ANO6: variants seen among roughly 807,000 people sequenced by gnomAD.
ANO6 encodes anoctamin 6.
A neutral mutation model predicts 117.5 loss-of-function variants in ANO6; 106 were observed. That is an observed-to-expected ratio of 0.90 (90% CI 0.77 to 1.06). The LOEUF (loss-of-function observed/expected upper bound fraction) is 1.06. Ranked by LOEUF, ANO6 falls within the 50% of genes least tolerant of loss-of-function variation. The probability of loss-of-function intolerance (pLI) is 0.00; values close to 1 mark genes in which losing one functional copy is unlikely to be tolerated. For missense variants in ANO6, 955 were observed against 1,121.1 expected, an observed-to-expected ratio of 0.85 and a Z score of 2.12; for synonymous variants, 367 against 385.1, an observed-to-expected ratio of 0.95 and a Z score of 0.55.
chr12:45,242,049 C>G (rs1336687024), intron 1 of ANO6, among the ~76,000 whole-genome samples: 3 of 152,232 alleles, frequency 2.0e-5, no homozygotes, highest in Non-Finnish European at 4.4e-5. Flanking sequence ...TGGAGGCGGT[C>G]TGTCCATTCT....
chr12:45,416,734 T>C lies in ANO6; in HGVS notation c.2047T>C (p.Ser683Pro), dbSNP rs1943222905. Reference sequence around the variant, plus strand: ...TGGGTTCGTCACCTTATTTGTGGCCTCTTTTCCACTGGCCCCTCTGTTGGC... The same window carrying C: ...TGGGTTCGTCACCTTATTTGTGGCCCCTTTTCCACTGGCCCCTCTGTTGGC... ...QFGFVTLFVA[S>P]FPLAPLLALV... The change falls in exon 17 of 20, where the codon TCT becomes CCT. Residue 683 changes from serine (S) to proline (P), a missense_variant. Transcript: ENST00000320560. 1 of 1,614,172 alleles carries C rather than the reference T, an allele frequency of 6.2e-7. No individual in the cohort carries two copies.
At chr12:45,243,830 A>G (rs1947782559) in intron 1 of ANO6, among the ~76,000 whole-genome samples, 2 of 152,230 alleles carry the variant, frequency 1.3e-5, no homozygotes, top group African/African-American at 4.8e-5. Flanking sequence ...GATTACAGGC[A>G]TGAGCCACTG....
intron 12 of ANO6, among the ~76,000 whole-genome samples, chr12:45,397,930 T>G (rs542220640): frequency 6.6e-6 from 1 of 152,110 alleles, no homozygotes; most frequent in African/African-American, 2.4e-5. Flanking sequence ...CGTGTATACC[T>G]ATGTGTCAAA....
intron 1 of ANO6, among the ~76,000 whole-genome samples, chr12:45,300,428 C>G (rs887869260): frequency 1.3e-5 from 2 of 152,224 alleles, no homozygotes; most frequent in Admixed American, 1.3e-4. Flanking sequence ...CTCCTCCCAC[C>G]TTGGCCTCCA....
intron 2 of ANO6, among the ~76,000 whole-genome samples, chr12:45,308,673 G>A (rs1939756243): frequency 6.6e-6 from 1 of 152,084 alleles, no homozygotes; most frequent in South Asian, 2.1e-4. Context: ...TAACCAATTT[G>A]GAGAGTGAGA....
intron 1 of ANO6, among the ~76,000 whole-genome samples, chr12:45,248,394 GGTA>G (rs1947855069): frequency 6.7e-6 from 1 of 149,174 alleles, no homozygotes. Flanking sequence ...CAACAGATGA[GGTA>G]GTAAAGAAAA....
chr12:45,439,568 A>T (rs1943746545), intron 19 of ANO6: 1 of 1,045,860 alleles, frequency 9.6e-7, no homozygotes, highest in East Asian at 3.0e-5. Flanking sequence ...AAATTCTCAA[A>T]GGTAAATACT....
At chr12:45,294,240 G>A (rs1274654260) in intron 1 of ANO6, among the ~76,000 whole-genome samples, 1 of 152,070 alleles carries the variant, frequency 6.6e-6, no homozygotes, top group African/African-American at 2.4e-5. Context: ...ATTCAAGAAG[G>A]GTAGCACAGC....
Position 45,430,524 on chromosome 12 carries a change from G to T in ANO6, c.*1213G>T, listed in dbSNP as rs775033182. ...GTTACTCTGGGCCCAGTAATTTGATGTAACTGTCTGATTGTACTAGAGACA... is the reference window on the plus strand; with the variant it reads ...GTTACTCTGGGCCCAGTAATTTGATTTAACTGTCTGATTGTACTAGAGACA... On this transcript the variant is annotated 3_prime_UTR_variant, in exon 20 of 20. Coordinates refer to ENST00000320560, the MANE Select transcript of ANO6 (RefSeq NM_001025356.3). The T allele has an allele frequency of 2.0e-6, 2 of 985,336 alleles. No homozygotes were observed. Among genetic ancestry groups the T allele is most frequent in the African/African-American group, 3.5e-5 (2 of 57,236 alleles). The allele number at this position is 985,336 out of a possible 1,614,324, so 61.0% of individuals were successfully genotyped here.
At chr12:45,386,331 C>A (rs1942297971) in intron 10 of ANO6, among the ~76,000 whole-genome samples, 1 of 152,222 alleles carries the variant, frequency 6.6e-6, no homozygotes, top group African/African-American at 2.4e-5. Flanking sequence ...ATCTACTGGA[C>A]ATTTCTTCTT....
At chr12:45,236,798 T>C (rs549632212) in intron 1 of ANO6, among the ~76,000 whole-genome samples, 51 of 152,178 alleles carry the variant, frequency 3.4e-4, no homozygotes, top group Non-Finnish European at 6.5e-4. Flanking sequence ...CTTGAGGAAT[T>C]GCCACACTGT....
At chr12:45,258,656 A>G (rs1355756308) in intron 1 of ANO6, among the ~76,000 whole-genome samples, 1 of 152,008 alleles carries the variant, frequency 6.6e-6, no homozygotes, top group Non-Finnish European at 1.5e-5. Context: ...CCCCCTGCCA[A>G]TAATGTCCCC....
At chr12:45,278,792 A>G (rs1443568607) in intron 1 of ANO6, among the ~76,000 whole-genome samples, 1 of 152,202 alleles carries the variant, frequency 6.6e-6, no homozygotes, top group Non-Finnish European at 1.5e-5. Context: ...AGCTGTCTAG[A>G]AAGATGGCTG....
chr12:45,380,566 T>C (rs189700752), intron 10 of ANO6, among the ~76,000 whole-genome samples: 1 of 152,282 alleles, frequency 6.6e-6, no homozygotes, highest in Admixed American at 6.5e-5. Context: ...CCACCCTGAC[T>C]CTGTTCAGCC....
rs57682251 is a variant in ANO6 at position 45,266,805 on chromosome 12, AGTGTGTGTGTGTGTGT to A, written c.71-35186_71-35171del. On this transcript the variant is annotated intron_variant, in intron 1 of 19. Transcript: ENST00000320560. ...GAACAAGACCCTGTCTCAAAAAACA[AGTGTGTGTGTGTGTGT>A]GTGTGTGTGTGTGTGTGTGTGTATA... Among the ~76,000 whole-genome samples, 437 of 145,766 alleles carry A rather than the reference AGTGTGTGTGTGTGTGT, an allele frequency of 3.0e-3. 3 individuals carry two copies. The East Asian group carries it at 0.051, about 17-fold the overall frequency.
intron 2 of ANO6, among the ~76,000 whole-genome samples, chr12:45,317,207 G>A (rs1362740559): frequency 1.4e-5 from 2 of 142,480 alleles, no homozygotes; most frequent in African/African-American, 2.5e-5. Context: ...GTGCCATGTT[G>A]GTGTGCTGCA....
In ANO6 at chr12:45,429,106, A is replaced by G. The variant is rs1943574376; in HGVS notation, c.2528A>G (p.His843Arg). 1 of 1,613,160 alleles carries G rather than the reference A, an allele frequency of 6.2e-7. No homozygotes were observed. The highest frequency in any genetic ancestry group is 1.3e-5 in the African/African-American group (1 of 74,884). Residue 843 changes from histidine to arginine, a missense_variant and splice_region_variant, in exon 20 of 20, where the codon CAC (histidine) becomes CGC (arginine). Transcript: ENST00000320560. ...CATTTTTCTTCTTCTCTTCCCCAGC[A>G]CGTCATCTACTCTGTGAAATTTTTC... Reference protein sequence around the residue: ...AKLAFIIVMEHVIYSVKFFIS... With the variant: ...AKLAFIIVMERVIYSVKFFIS...
chr12:45,418,189 G>C (rs966224641), intron 17 of ANO6, among the ~76,000 whole-genome samples: 5 of 152,162 alleles, frequency 3.3e-5, no homozygotes, highest in Non-Finnish European at 5.9e-5. Flanking sequence ...AGCAACCACT[G>C]TCTGGACAAT....
chr12:45,221,877 CTTTTT>C (rs71093866), intron 1 of ANO6, among the ~76,000 whole-genome samples: 1 of 124,792 alleles, frequency 8.0e-6, no homozygotes. Context: ...TCCCCGACTC[CTTTTT>C]TTTTTTTTTT....
Sources: gnomAD v4.1 joint callset for allele counts (sites outside exome capture counted in the v4.1 genomes callset) on GRCh38, gnomAD v4.1.1 for gene constraint, MANE v1.5 for transcripts, NCBI Gene and HGNC (gene_info 2026-07-23, HGNC 2026-07-21) for gene names.